The following DTD1 variants were observed in gnomAD, a reference collection of about 807,000 sequenced individuals.
DTD1 encodes the protein D-aminoacyl-tRNA deacylase 1.
Under a neutral mutation model 25.6 loss-of-function variants are expected in DTD1, and 13 were observed. The ratio of observed to expected loss-of-function variants is 0.51; its 90% CI spans 0.33 to 0.81. DTD1 has a LOEUF of 0.81. DTD1 is among the 30% of genes least tolerant of loss of function. The pLI is 0.02. For missense variants in DTD1, 193 were observed against 266.4 expected (o/e 0.72, Z 1.92); for synonymous variants, 110 against 103.6 (o/e 1.06, Z -0.37).
At chr20:18,737,056 T>C (rs572165467) in intron 4 of DTD1, among the ~76,000 whole-genome samples, 5 of 152,296 alleles carry the variant, frequency 3.3e-5, no homozygotes, top group Admixed American at 3.3e-4. Flanking sequence ...TGGTGTTGCC[T>C]CAACTCCTCT....
At chr20:18,639,024 C>G (rs1263850089) in intron 4 of DTD1, among the ~76,000 whole-genome samples, 1 of 152,030 alleles carries the variant, frequency 6.6e-6, no homozygotes, top group Non-Finnish European at 1.5e-5. Context: ...ATTCTTGCCT[C>G]CAAGGCCAGC....
At chr20:18,725,767 C>T (rs946173704) in intron 4 of DTD1, among the ~76,000 whole-genome samples, 18 of 152,216 alleles carry the variant, frequency 1.2e-4, no homozygotes, top group African/African-American at 4.1e-4. Flanking sequence ...GTATCACCAT[C>T]ACCCCACACC....
chr20:18,714,782 AT>A lies in DTD1; in HGVS notation c.478-29315del, dbSNP rs569906174. 1.1e-3 allele frequency among the ~76,000 whole-genome samples: 172 copies of A among 152,262 alleles called. 3 individuals are homozygous for A. Among genetic ancestry groups the A allele is most frequent in the African/African-American group, 3.7e-3 (153 of 41,546 alleles). On this transcript the variant is annotated intron_variant, in intron 4 of 5. Transcript: ENST00000377452. ...CCAAGTCCTGGAGAAGCTTTAAAAA[AT>A]TTCTCCTCAGGGCAAAACTAATTTC... is the stretch of plus-strand genomic sequence containing the variant.
At chr20:18,698,165 G>C (rs531380324) in intron 4 of DTD1, among the ~76,000 whole-genome samples, 45 of 152,276 alleles carry the variant, frequency 3.0e-4, no homozygotes, top group African/African-American at 8.9e-4. Context: ...AGGATCTGCT[G>C]ATGTATATGT....
intron 3 of DTD1, among the ~76,000 whole-genome samples, chr20:18,610,681 G>A (rs566268901): frequency 1.3e-5 from 2 of 152,304 alleles, no homozygotes; most frequent in East Asian, 1.9e-4. Flanking sequence ...AGGCCAAGAC[G>A]GGTGGATTGC....
intron 1 of DTD1, among the ~76,000 whole-genome samples, chr20:18,589,316 C>A (rs1164647280): frequency 6.6e-6 from 1 of 152,040 alleles, no homozygotes; most frequent in Admixed American, 6.6e-5. Context: ...GTGCCAGTAA[C>A]CTCCAGCCTG....
At position 18,690,136 on chromosome 20, in the gene DTD1, TA is replaced by T. The variant is rs74180929; in HGVS notation, c.478-53946del. Among the ~76,000 whole-genome samples, 398 of 129,862 alleles carry T rather than the reference TA, an allele frequency of 3.1e-3. 1 individual carries two copies. Among genetic ancestry groups the T allele is most frequent in the African/African-American group, 6.8e-3 (233 of 34,084 alleles). The allele number at this position is 129,862 out of a possible 152,430, so 85.2% of individuals were successfully genotyped here. A position where few individuals can be genotyped will look rare whatever the true frequency, so the allele number is the denominator to read the frequency against. ...GGGTGACAGAGCAAGACCCTGTCTC[TA>T]AAAAAAAAAAAAAAAAATTAAAAAA... is the stretch of plus-strand genomic sequence containing the variant. On this transcript the variant is annotated intron_variant, in intron 4 of 5. Coordinates refer to ENST00000377452, the MANE Select transcript of DTD1 (RefSeq NM_080820.6).
chr20:18,720,605 A>G (rs1432978107), intron 4 of DTD1, among the ~76,000 whole-genome samples: 2 of 152,204 alleles, frequency 1.3e-5, no homozygotes, highest in African/African-American at 4.8e-5. Flanking sequence ...CTGTAATACT[A>G]GCACTTTGGG....
intron 4 of DTD1, among the ~76,000 whole-genome samples, chr20:18,715,828 G>A (rs566710545): frequency 3.9e-4 from 59 of 152,272 alleles, no homozygotes; most frequent in African/African-American, 1.4e-3. Context: ...GCAAACAACA[G>A]GTTCATGTCC....
rs1555801954 is a variant in DTD1 at position 18,708,223 on chromosome 20, A to ATATAG, written c.478-35873_478-35872insGTATA. ...TATATATATTTTATATATATAATAT[A>ATATAG]TATATATTTTATATATATATAATAT... On this transcript the variant is annotated intron_variant, in intron 4 of 5. Transcript: ENST00000377452. Among the ~76,000 whole-genome samples the ATATAG allele has an allele frequency of 9.1e-4, 6 of 6,606 alleles. 1 individual carries two copies. Among genetic ancestry groups the ATATAG allele is most frequent in the Non-Finnish European group, 1.8e-3 (5 of 2,732 alleles). The allele number at this position is 6,606 out of a possible 152,430, so 4.3% of individuals were successfully genotyped here. A position where few individuals can be genotyped will look rare whatever the true frequency, so the allele number is the denominator to read the frequency against.
chr20:18,762,329 C>T (rs1245088292), intron 5 of DTD1, among the ~76,000 whole-genome samples: 2 of 152,200 alleles, frequency 1.3e-5, no homozygotes, highest in Admixed American at 6.5e-5. Flanking sequence ...TTTAGTTTAA[C>T]TTTTGGATGA....
intron 4 of DTD1, 41 bp downstream of exon 4, chr20:18,628,274 C>A: frequency 6.7e-7 from 1 of 1,500,180 alleles, no homozygotes. Context: ...CCCTTGGGTG[C>A]CTGTAACATC....
intron 4 of DTD1, among the ~76,000 whole-genome samples, chr20:18,730,399 G>A (rs956481202): frequency 6.6e-6 from 1 of 152,102 alleles, no homozygotes; most frequent in Non-Finnish European, 1.5e-5. Flanking sequence ...GCATTCCCAA[G>A]GCCCAAATTT....
At chr20:18,754,481 C>T (rs1183535034) in intron 5 of DTD1, among the ~76,000 whole-genome samples, 1 of 152,202 alleles carries the variant, frequency 6.6e-6, no homozygotes, top group Non-Finnish European at 1.5e-5. Flanking sequence ...TGGAAATAGA[C>T]ATCATCCCTT....
intron 4 of DTD1, among the ~76,000 whole-genome samples, chr20:18,709,338 G>T (rs551103798): frequency 1.3e-5 from 2 of 152,280 alleles, no homozygotes; most frequent in African/African-American, 2.4e-5. Flanking sequence ...ATAATGAGCT[G>T]CAGCTTCTCT....
intron 3 of DTD1, among the ~76,000 whole-genome samples, chr20:18,601,427 A>G (rs1271059864): frequency 2.7e-5 from 4 of 146,730 alleles, no homozygotes; most frequent in African/African-American, 1.0e-4. Context: ...TGAACGTGGG[A>G]GGCGCAGGTT....
intron 4 of DTD1, among the ~76,000 whole-genome samples, chr20:18,636,696 G>A (rs759628225): frequency 1.3e-5 from 2 of 152,200 alleles, no homozygotes; most frequent in African/African-American, 2.4e-5. Flanking sequence ...CACAAGTTTT[G>A]TATGTGTGGA....
chr20:18,697,138 A>G (rs1568672754), intron 4 of DTD1, among the ~76,000 whole-genome samples: 2 of 151,822 alleles, frequency 1.3e-5, no homozygotes, highest in Non-Finnish European at 1.5e-5. Context: ...AGGCTGTGGC[A>G]GGAGAATGGC....
At chr20:18,690,061 A>G (rs370743640) in intron 4 of DTD1, among the ~76,000 whole-genome samples, 6 of 150,598 alleles carry the variant, frequency 4.0e-5, no homozygotes, top group African/African-American at 1.2e-4. Context: ...ACTTGAGCCC[A>G]GGAGTTCAAG....
Sources: allele counts gnomAD v4.1 joint callset (sites outside exome capture counted in the v4.1 genomes callset), GRCh38; gene constraint gnomAD v4.1.1; transcripts MANE v1.5; gene names NCBI Gene and HGNC (gene_info 2026-07-23, HGNC 2026-07-21).